CCDC144A: variants seen among roughly 807,000 people sequenced by gnomAD.
CCDC144A encodes coiled-coil domain-containing protein 144A.
A neutral mutation model predicts 143.8 loss-of-function variants in CCDC144A; 41 were observed. The observed-to-expected ratio is 0.29, with a 90% confidence interval of 0.22 to 0.37. The LOEUF (loss-of-function observed/expected upper bound fraction) is 0.37. Among genes scored for constraint, CCDC144A ranks in the 10% least tolerant of loss-of-function variants. The pLI is 1.00. For synonymous variants in CCDC144A, 242 were observed against 517.9 expected (o/e 0.47, Z 7.23); for missense variants, 637 against 1,488.8 (o/e 0.43, Z 9.41).
At chr17:16,683,164 A>C in the CCDC144A span, among the ~76,000 whole-genome samples, 1 of 151,952 alleles carries the variant, frequency 6.6e-6, no homozygotes, top group Non-Finnish European at 1.5e-5. Context: ...TGGTGACTGC[A>C]GTTAATGTAT....
chr17:16,743,572 CT>C (rs1425310357), intron 12 of CCDC144A, among the ~76,000 whole-genome samples: 2 of 151,784 alleles, frequency 1.3e-5, no homozygotes, highest in African/African-American at 4.8e-5. Context: ...TATAGTCTAG[CT>C]TTTTTGCAGT....
At chr17:16,709,667 T>C in intron 5 of CCDC144A, 32 bp downstream of exon 5, 1 of 1,601,040 alleles carries the variant, frequency 6.2e-7, no homozygotes, top group Non-Finnish European at 8.5e-7. Context: ...CTCTTTGTTT[T>C]TTCTCTCAAT....
At position 16,734,673 on chromosome 17, in the gene CCDC144A, T is replaced by C; in HGVS notation, c.2419-17T>C. 7 of 1,505,302 alleles carry C rather than the reference T, an allele frequency of 4.7e-6. No homozygotes were observed. The highest frequency in any genetic ancestry group is 1.4e-5 in the South Asian group (1 of 72,418). The allele number at this position is 1,505,302 out of a possible 1,614,324, so 93.2% of individuals were successfully genotyped here. A position where few individuals can be genotyped will look rare whatever the true frequency, so the allele number is the denominator to read the frequency against. On this transcript the variant is annotated splice_polypyrimidine_tract_variant and intron_variant, in intron 11 of 16. Coordinates refer to ENST00000399273, the MANE Select transcript of CCDC144A (RefSeq NM_001382000.1). ...TCATTTTATTGAGTGCTACTGAATG[T>C]TTCCTTTCTTACTTAGATTTCTCAT...
intron 14 of CCDC144A, among the ~76,000 whole-genome samples, chr17:16,763,646 T>C (rs1597593891): frequency 6.6e-6 from 1 of 152,254 alleles, no homozygotes; most frequent in African/African-American, 2.4e-5. Context: ...TTAAGAATCA[T>C]ATAAGTAGAG....
intron 8 of CCDC144A, among the ~76,000 whole-genome samples, chr17:16,724,509 C>CAAA (rs1194753881): frequency 1.7e-4 from 11 of 65,888 alleles, no homozygotes; most frequent in South Asian, 4.0e-4. Context: ...GACTCCGTCT[C>CAAA]AAAAAAAAAA....
chr17:16,714,126 C>G (rs1028074370), intron 6 of CCDC144A, among the ~76,000 whole-genome samples: 16 of 152,278 alleles, frequency 1.1e-4, no homozygotes, highest in African/African-American at 3.8e-4. Flanking sequence ...TTTCTTCCTG[C>G]CTTTCCAGTC....
chr17:16,736,235 C>CT (rs71214289), intron 12 of CCDC144A, among the ~76,000 whole-genome samples: 6,891 of 98,210 alleles, frequency 0.07, 521 homozygotes, highest in Non-Finnish European at 0.11. Context: ...AAGGCATTTA[C>CT]TTTTTTTTTT....
intron 16 of CCDC144A, 49 bp downstream of exon 16, chr17:16,772,068 C>T: frequency 7.6e-7 from 1 of 1,324,320 alleles, no homozygotes; most frequent in Non-Finnish European, 1.0e-6. Flanking sequence ...TAATATATAT[C>T]TGAAATAAAC....
chr17:16,771,839 A>G (rs1191420573), intron 15 of CCDC144A, 138 bp from the exon 16 acceptor site: 1 of 664,348 alleles, frequency 1.5e-6, no homozygotes, highest in Non-Finnish European at 2.5e-6. Flanking sequence ...AATTTATATG[A>G]TATTTTTAAT....
chr17:16,749,476 A>T (rs1209214806), intron 12 of CCDC144A, among the ~76,000 whole-genome samples: 1 of 152,178 alleles, frequency 6.6e-6, no homozygotes, highest in African/African-American at 2.4e-5. Context: ...TTCATTTTTT[A>T]AAAATTTATC....
At chr17:16,728,374 C>G (rs938925217) in intron 9 of CCDC144A, among the ~76,000 whole-genome samples, 4 of 152,136 alleles carry the variant, frequency 2.6e-5, no homozygotes, top group African/African-American at 9.7e-5. Flanking sequence ...TTTCTACATT[C>G]CTAAACTGTT....
At chr17:16,677,172 C>T in the CCDC144A span, among the ~76,000 whole-genome samples, 1 of 152,056 alleles carries the variant, frequency 6.6e-6, no homozygotes. Flanking sequence ...CACCTTCGTC[C>T]GTCCTCTCTT....
chr17:16,678,144 C>T, the CCDC144A span, among the ~76,000 whole-genome samples: 1 of 151,988 alleles, frequency 6.6e-6, no homozygotes, highest in African/African-American at 2.4e-5. Context: ...CATAATTTAT[C>T]CCCAAAGCAG....
intron 5 of CCDC144A, chr17:16,710,377 A>G (rs561202305): frequency 1.3e-5 from 2 of 152,468 alleles, no homozygotes; most frequent in East Asian, 1.9e-4. Context: ...AAAAAAAAAA[A>G]AAAAAGAAAA....
intron 15 of CCDC144A, chr17:16,764,796 C>T (rs1484830511): frequency 1.3e-5 from 2 of 154,166 alleles, no homozygotes; most frequent in Non-Finnish European, 2.9e-5. Context: ...TAAAATGTGT[C>T]TATTGCTATG....
At chr17:16,727,783 A>G (rs1422804940) in intron 9 of CCDC144A, 43 bp downstream of exon 9, 4 of 1,588,172 alleles carry the variant, frequency 2.5e-6, no homozygotes, top group African/African-American at 2.8e-5. Flanking sequence ...ACTAAAGACA[A>G]TATATCAGAA....
intron 12 of CCDC144A, among the ~76,000 whole-genome samples, chr17:16,742,127 A>G (rs1292031943): frequency 6.6e-6 from 1 of 151,860 alleles, no homozygotes; most frequent in Admixed American, 6.6e-5. Context: ...TATTCACCCT[A>G]CAATGCAACA....
upstream of CCDC144A, among the ~76,000 whole-genome samples, chr17:16,688,480 TTC>T (rs1910862460): frequency 2.2e-5 from 3 of 134,276 alleles, no homozygotes; most frequent in African/African-American, 8.8e-5. Context: ...TTTTTTCTTT[TTC>T]TGTTTTTTTT....
chr17:16,696,402 A>G (rs1481501975), intron 2 of CCDC144A, among the ~76,000 whole-genome samples: 3 of 151,018 alleles, frequency 2.0e-5, no homozygotes, highest in Non-Finnish European at 4.4e-5. Flanking sequence ...GAGGCCAAGG[A>G]GGGCAGATCA....
Sources: allele counts gnomAD v4.1 joint callset (sites outside exome capture counted in the v4.1 genomes callset), GRCh38; gene constraint gnomAD v4.1.1; transcripts MANE v1.5; gene names NCBI Gene and HGNC (gene_info 2026-07-23, HGNC 2026-07-21).